CCDC88C: variants seen among roughly 807,000 people sequenced by gnomAD.
The protein encoded by CCDC88C is protein Daple.
A neutral mutation model predicts 198.8 loss-of-function variants in CCDC88C; 131 were observed. The ratio of observed to expected loss-of-function variants is 0.66; its 90% CI spans 0.57 to 0.76. CCDC88C has a LOEUF of 0.76. Ranked by LOEUF, CCDC88C falls within the 30% of genes least tolerant of loss-of-function variation. The pLI, the probability that CCDC88C is intolerant of heterozygous loss-of-function variation, is 0.00. For missense variants in CCDC88C, 2,553 were observed against 2,631.6 expected (o/e 0.97, Z 0.65); for synonymous variants, 1,166 against 1,114.7 (o/e 1.05, Z -0.92).
chr14:91,277,749 G>A (rs908494439), intron 29 of CCDC88C, among the ~76,000 whole-genome samples, 173 bp downstream of exon 29: 4 of 152,230 alleles, frequency 2.6e-5, no homozygotes, highest in Admixed American at 2.0e-4. Flanking sequence ...TGGGGCTGGC[G>A]GCTGGCTTGC....
rs757458788 is a variant in CCDC88C, at chr14:91,314,036, C to T, written c.1780G>A (p.Ala594Thr). The change falls in exon 15 of 30, where the codon GCC becomes ACC. Residue 594 changes from alanine to threonine, a missense_variant. Around this residue, in one of 2 missense-constraint regions of CCDC88C, gnomAD observed 1,260 missense variants for 1,412.0 expected, o/e 0.89. Transcript: ENST00000389857. ...RMKDVEKENK[A>T]LHQTVTEANG... ...GCCTCCGTCACCGTCTGGTGGAGGG[C>T]TTTGTTCTCCTTCTCCACGTCTTTC... 1 of 1,613,910 alleles carries T rather than the reference C, an allele frequency of 6.2e-7. No individual in the cohort carries two copies. Among genetic ancestry groups the T allele is most frequent in the East Asian group, 2.2e-5 (1 of 44,872 alleles).
chr14:91,288,412 G>A lies in CCDC88C; in HGVS notation c.4441+693C>T, dbSNP rs1403465866. Among the ~76,000 whole-genome samples, 5 of 152,148 alleles carry A rather than the reference G, an allele frequency of 3.3e-5. No individual in the cohort carries two copies. Among genetic ancestry groups the A allele is most frequent in the Admixed American group, 1.3e-4 (2 of 15,276 alleles). On this transcript the variant is annotated intron_variant, in intron 25 of 29. Transcript: ENST00000389857. The surrounding 1 kb of genome is among the most constrained non-coding windows in gnomAD (Gnocchi z 4.2). ...AACAGATAAACCACCCAAGGCTTTC[G>A]GGAGGTCTTATATACATGGAGAACG... is the stretch of plus-strand genomic sequence containing the variant.
chr14:91,375,569 T>C (rs1884356169), intron 3 of CCDC88C, among the ~76,000 whole-genome samples: 1 of 152,092 alleles, frequency 6.6e-6, no homozygotes, highest in Non-Finnish European at 1.5e-5. Context: ...CCCCGGCACC[T>C]GCTCACGAGG....
At chr14:91,281,948 T>C (rs1890215467) in intron 26 of CCDC88C, among the ~76,000 whole-genome samples, 1 of 152,084 alleles carries the variant, frequency 6.6e-6, no homozygotes, top group Admixed American at 6.5e-5. Context: ...AAAATCAGAA[T>C]CTACTCCTTG....
intron 3 of CCDC88C, among the ~76,000 whole-genome samples, chr14:91,364,435 A>G (rs1416015875): frequency 6.6e-6 from 1 of 152,230 alleles, no homozygotes; most frequent in Admixed American, 6.5e-5. Context: ...GTCAATGAAC[A>G]AAGGGTCAGA....
chr14:91,415,589 G>A (rs1437448095), intron 2 of CCDC88C, among the ~76,000 whole-genome samples: 2 of 151,944 alleles, frequency 1.3e-5, no homozygotes, highest in African/African-American at 4.8e-5. Flanking sequence ...GCGTGGTGGC[G>A]CATGCCTGCA....
intron 3 of CCDC88C, among the ~76,000 whole-genome samples, chr14:91,367,857 C>T (rs1894612182): frequency 6.6e-6 from 1 of 152,178 alleles, no homozygotes; most frequent in African/African-American, 2.4e-5. Context: ...CCCACAGCCC[C>T]ATTACCACCA....
chr14:91,407,014 C>G (rs755945115), intron 3 of CCDC88C, among the ~76,000 whole-genome samples: 2 of 152,192 alleles, frequency 1.3e-5, no homozygotes, highest in Non-Finnish European at 2.9e-5. Context: ...CATAGTGCCC[C>G]TCTCCCAATG....
chr14:91,300,236 G>A (rs1891213498), intron 20 of CCDC88C, among the ~76,000 whole-genome samples, 166 bp from the exon 21 acceptor site: 2 of 152,188 alleles, frequency 1.3e-5, no homozygotes, highest in South Asian at 4.1e-4. Flanking sequence ...GGGGAGCGCA[G>A]CCACTGGGAG....
At chr14:91,406,409 G>C (rs1408341855) in intron 3 of CCDC88C, among the ~76,000 whole-genome samples, 2 of 152,196 alleles carry the variant, frequency 1.3e-5, no homozygotes, top group South Asian at 2.1e-4. Context: ...CAGGAGGAGG[G>C]AGGACAGGGA....
chr14:91,273,355 G>T lies in CCDC88C; in HGVS notation c.5357C>A (p.Pro1786Gln). The change falls in exon 30 of 30, where the codon CCG (proline) becomes CAG (glutamine). Residue 1786 changes from proline (P) to glutamine (Q), a missense_variant. Around this residue, in one of 2 missense-constraint regions of CCDC88C, gnomAD observed 1,293 missense variants for 1,219.6 expected, o/e 1.06. Transcript: ENST00000389857. The surrounding 1 kb of genome is among the most constrained non-coding windows in gnomAD (Gnocchi z 5.6). ...AGGTGCATGGGAAGCTGGGGGCACC[G>T]GAGCCTGCCGGGGTCTGCCCAGAGA... The part of the protein sequence containing the change: ...SLSLGRPRQA[P>Q]VPPASHAPAS... The T allele has an allele frequency of 6.5e-7, 1 of 1,535,678 alleles. No individual in the cohort carries two copies. Among genetic ancestry groups the T allele is most frequent in the Non-Finnish European group, 8.8e-7 (1 of 1,139,222 alleles).
chr14:91,289,049 G>GA, intron 25 of CCDC88C, 56 bp downstream of exon 25: 1 of 1,439,432 alleles, frequency 6.9e-7, no homozygotes, highest in East Asian at 2.4e-5. Context: ...ACCGGTGCGG[G>GA]ACCCTTCAGG....
Position 91,315,675 on chromosome 14 carries a change from G to T in CCDC88C, c.1640C>A (p.Thr547Asn), listed in dbSNP as rs769175670. Residue 547 changes from threonine to asparagine, a missense_variant, in exon 14 of 30, where the codon ACC becomes AAC. Coordinates refer to ENST00000389857, the MANE Select transcript of CCDC88C (RefSeq NM_001080414.4). ...EKEQLQSDME[T>N]LKADKARQIK... ...CTGCCTGGCTTTGTCAGCCTTCAGG[G>T]TCTCCATGTCACTCTGCAGCTGCTC... 8 of 1,613,778 alleles carry T rather than the reference G, an allele frequency of 5.0e-6. No homozygotes were observed. The highest frequency in any genetic ancestry group is 5.1e-6 in the Non-Finnish European group (6 of 1,179,882).
At chr14:91,298,558 A>G (rs893870966) in intron 21 of CCDC88C, among the ~76,000 whole-genome samples, 1 of 151,940 alleles carries the variant, frequency 6.6e-6, no homozygotes, top group Admixed American at 6.6e-5. Flanking sequence ...AGTGGCCAGC[A>G]TTAAAAAATT....
intron 3 of CCDC88C, among the ~76,000 whole-genome samples, chr14:91,384,082 A>T (rs528280409): frequency 6.6e-6 from 1 of 152,276 alleles, no homozygotes; most frequent in South Asian, 2.1e-4. Context: ...TGGTGCATCC[A>T]ATTAGACCGA....
intron 16 of CCDC88C, among the ~76,000 whole-genome samples, chr14:91,308,767 G>C (rs556346724): frequency 6.6e-6 from 1 of 152,166 alleles, no homozygotes; most frequent in Non-Finnish European, 1.5e-5. Context: ...CCATTTTACC[G>C]AAGGGGAAAC....
Position 91,275,968 on chromosome 14 carries a change from C to T in CCDC88C, c.5058+1954G>A, listed in dbSNP as rs563944126. ...TCCCGTGTAGCTGGGACTACAGGCGCGCGCCACCACGCCCGGCTAATTTTT... is the reference window on the plus strand; with the variant it reads ...TCCCGTGTAGCTGGGACTACAGGCGTGCGCCACCACGCCCGGCTAATTTTT... On this transcript the variant is annotated intron_variant, in intron 29 of 29. Coordinates refer to ENST00000389857, the MANE Select transcript of CCDC88C (RefSeq NM_001080414.4). 2.2e-4 allele frequency among the ~76,000 whole-genome samples: 34 copies of T among 151,726 alleles called. No individual in the cohort carries two copies. In the East Asian group the frequency reaches 4.3e-3, roughly 19 times the overall value.
rs369844280 is a variant in CCDC88C, at chr14:91,273,264, G to A, written c.5448C>T (p.Ser1816=). ...ACTCCTGTTTGCAGGCCTCTGGCCC[G>A]CTGGCCCGGAGAAGGTCAGCTGAGG... ...SLASADLLRA[S]GPEACKQESP... Residue 1816 remains serine (S), a synonymous_variant, in exon 30 of 30, where the codon AGC becomes AGT. Transcript: ENST00000389857. This position sits in a 1 kb window ranked among gnomAD's most constrained non-coding sequence, Gnocchi z 5.6. 1.2e-5 allele frequency: 18 copies of A among 1,558,468 alleles called. No homozygotes were observed. Among genetic ancestry groups the A allele is most frequent in the East Asian group, 2.4e-5 (1 of 41,762 alleles).
At position 91,289,244 on chromosome 14, in the gene CCDC88C, G is replaced by T. The variant is rs1050162902; in HGVS notation, c.4302C>A (p.Pro1434=). Reference sequence around the variant, plus strand: ...CGGGGTCTGAGGACTCCAGCTGCCAGGGAGGGCTGTCCACGGTGGATTTTA... The same window carrying T: ...CGGGGTCTGAGGACTCCAGCTGCCATGGAGGGCTGTCCACGGTGGATTTTA... ...ERLKSTVDSP[P]WQLESSDPAS... Residue 1434 remains proline, a synonymous_variant, in exon 25 of 30, where the codon CCC becomes CCA. Transcript: ENST00000389857. The T allele has an allele frequency of 9.9e-6, 16 of 1,613,956 alleles. 1 individual carries two copies. In the Middle Eastern group the frequency reaches 1.6e-3, roughly 166 times the overall value.
Sources: gnomAD v4.1 joint callset for allele counts (sites outside exome capture counted in the v4.1 genomes callset) on GRCh38, gnomAD v4.1.1 for gene constraint, gnomAD v4.1.1 regional missense constraint, Gnocchi (gnomAD v3.1) non-coding constraint, MANE v1.5 for transcripts, NCBI Gene and HGNC (gene_info 2026-07-23, HGNC 2026-07-21) for gene names.